Variants in KIF26B observed in about 807,000 individuals in gnomAD.
KIF26B encodes kinesin family member 26B.
A neutral mutation model predicts 151.2 loss-of-function variants in KIF26B; 63 were observed. The observed-to-expected ratio is 0.42, with a 90% CI of 0.34 to 0.51. KIF26B has a LOEUF of 0.51. Ranked by LOEUF, KIF26B falls within the 20% of genes least tolerant of loss-of-function variation. KIF26B has a pLI of 0.07. For synonymous variants in KIF26B, 1,357 were observed against 1,262.1 expected (o/e 1.08, Z -1.59); for missense variants, 2,813 against 2,913.6 (o/e 0.97, Z 0.79).
At chr1:245,198,397 A>ATG (rs992748882) in intron 2 of KIF26B, among the ~76,000 whole-genome samples, 43 of 152,374 alleles carry the variant, frequency 2.8e-4, no homozygotes, top group African/African-American at 9.6e-4. Flanking sequence ...ATAAATAAAG[A>ATG]TGTAAAGTGA....
chr1:245,523,933 G>T (rs781736081), intron 4 of KIF26B, among the ~76,000 whole-genome samples: 2 of 152,150 alleles, frequency 1.3e-5, no homozygotes, highest in Non-Finnish European at 2.9e-5. Context: ...AAATTACCTA[G>T]AAGACTAATA....
chr1:245,159,366 T>C (rs1668498117), intron 2 of KIF26B, among the ~76,000 whole-genome samples: 1 of 152,222 alleles, frequency 6.6e-6, no homozygotes, highest in South Asian at 2.1e-4. Context: ...TTGGTTTTGG[T>C]TCTTCTTCAC....
At chr1:245,388,468 T>C (rs967466754) in intron 3 of KIF26B, among the ~76,000 whole-genome samples, 5 of 152,238 alleles carry the variant, frequency 3.3e-5, no homozygotes, top group Admixed American at 6.5e-5. Context: ...AGATTTCCTC[T>C]TTCTTTCTCA....
chr1:245,281,935 G>A (rs560120790), intron 2 of KIF26B, among the ~76,000 whole-genome samples: 1 of 151,816 alleles, frequency 6.6e-6, no homozygotes, highest in East Asian at 1.9e-4. Flanking sequence ...TGTTATTTCT[G>A]AGGGCTCTGT....
chr1:245,437,786 T>C (rs1198576532), intron 4 of KIF26B, among the ~76,000 whole-genome samples: 1 of 152,186 alleles, frequency 6.6e-6, no homozygotes, highest in Non-Finnish European at 1.5e-5. Flanking sequence ...AATTCTTTGA[T>C]TGCCCCCTTC....
intron 2 of KIF26B, among the ~76,000 whole-genome samples, chr1:245,300,364 G>C (rs1043330686): frequency 1.3e-5 from 2 of 152,156 alleles, no homozygotes; most frequent in Non-Finnish European, 2.9e-5. Context: ...CTGGGGATTG[G>C]ACCCAGTAGA....
chr1:245,687,557 C>T lies in KIF26B; in HGVS notation c.4574C>T (p.Pro1525Leu). The stretch of plus-strand genomic sequence containing the variant: ...CTGCCCGGTTTGGCCACCCAGAGCC[C>T]CGTGCATCCCAACAAAAGCGTCAAG... ...MALPGLATQS[P>L]VHPNKSVKSS... is the part of the protein sequence containing the mutation. Residue 1525 changes from proline (P) to leucine (L), a missense_variant, in exon 12 of 15, where the codon CCC becomes CTC. Transcript: ENST00000407071. This position sits in a 1 kb window ranked among gnomAD's most constrained non-coding sequence, Gnocchi z 4.9. 2 of 1,565,672 alleles carry T rather than the reference C, an allele frequency of 1.3e-6. No individual in the cohort carries two copies. Among genetic ancestry groups the T allele is most frequent in the African/African-American group, 1.4e-5 (1 of 73,730 alleles).
intron 2 of KIF26B, among the ~76,000 whole-genome samples, chr1:245,245,461 C>T (rs1028327195): frequency 2.0e-5 from 3 of 152,162 alleles, no homozygotes; most frequent in African/African-American, 7.2e-5. Flanking sequence ...GCTTTATTTA[C>T]ACACCTGGCT....
chr1:245,639,741 A>G (rs1209494597), intron 9 of KIF26B, among the ~76,000 whole-genome samples: 1 of 151,970 alleles, frequency 6.6e-6, no homozygotes, highest in Admixed American at 6.6e-5. Context: ...ATCCAGGAGC[A>G]TGTTATTCAA....
At chr1:245,615,152 G>C (rs1345438817) in intron 9 of KIF26B, 1 of 152,190 alleles carries the variant, frequency 6.6e-6, no homozygotes, top group African/African-American at 2.4e-5. Context: ...CAAATGTTTA[G>C]TTTATTCTTT....
intron 2 of KIF26B, among the ~76,000 whole-genome samples, chr1:245,286,068 G>A (rs1185842456): frequency 6.6e-6 from 1 of 151,874 alleles, no homozygotes; most frequent in East Asian, 1.9e-4. Context: ...AACTCAAGAG[G>A]TTCACTGCTT....
chr1:245,579,674 C>T (rs906925628), intron 5 of KIF26B, among the ~76,000 whole-genome samples: 2 of 151,498 alleles, frequency 1.3e-5, no homozygotes, highest in African/African-American at 4.9e-5. Context: ...AACAAACAAA[C>T]AAACAAACAA....
In KIF26B at chr1:245,464,428, T is replaced by A. The variant is rs536523425; in HGVS notation, c.1166+44683T>A. 3.3e-5 allele frequency among the ~76,000 whole-genome samples: 5 copies of A among 150,076 alleles called. No homozygotes were observed. In the East Asian group the frequency reaches 9.9e-4, roughly 30 times the overall value. On this transcript the variant is annotated intron_variant, in intron 4 of 14. Transcript: ENST00000407071. ...GCGTATGTGGGGGTGTGTGTGGGTG[T>A]GTGCATGTCTGGGTGTGTGGGTGTG...
At chr1:245,258,127 G>A (rs1354652402) in intron 2 of KIF26B, among the ~76,000 whole-genome samples, 1 of 152,188 alleles carries the variant, frequency 6.6e-6, no homozygotes, top group Non-Finnish European at 1.5e-5. Flanking sequence ...CGTGGCTACT[G>A]TTCTAGACAG....
chr1:245,434,475 G>A (rs1030166202), intron 4 of KIF26B, among the ~76,000 whole-genome samples: 1 of 152,156 alleles, frequency 6.6e-6, no homozygotes, highest in African/African-American at 2.4e-5. Context: ...GGGAATACAT[G>A]GGGAGAACCT....
intron 5 of KIF26B, among the ~76,000 whole-genome samples, chr1:245,590,727 G>GA (rs1255021993): frequency 6.6e-6 from 1 of 152,078 alleles, no homozygotes; most frequent in Admixed American, 6.5e-5. Flanking sequence ...GGACAACATA[G>GA]AAAAACCCTG....
At chr1:245,565,001 G>T (rs1033093020) in intron 5 of KIF26B, among the ~76,000 whole-genome samples, 10 of 152,138 alleles carry the variant, frequency 6.6e-5, no homozygotes, top group African/African-American at 2.4e-4. Flanking sequence ...TGGCCTGGGG[G>T]TTAGGGAGCC....
intron 4 of KIF26B, among the ~76,000 whole-genome samples, chr1:245,470,470 G>T (rs969547044): frequency 6.6e-6 from 1 of 150,608 alleles, no homozygotes. Context: ...TCACTCTGTC[G>T]CCCAGGCTGG....
chr1:245,559,879 ATT>A (rs138256953), intron 5 of KIF26B, among the ~76,000 whole-genome samples: 23 of 140,994 alleles, frequency 1.6e-4, no homozygotes, highest in African/African-American at 4.7e-4. Context: ...CTGTAGGTCT[ATT>A]TTTTTTTTTT....
Sources: allele counts gnomAD v4.1 joint callset (sites outside exome capture counted in the v4.1 genomes callset), GRCh38; gene constraint gnomAD v4.1.1; non-coding constraint Gnocchi (gnomAD v3.1); transcripts MANE v1.5; gene names NCBI Gene and HGNC (gene_info 2026-07-23, HGNC 2026-07-21).